The following MCHR2 variants were observed in gnomAD, a reference collection of about 807,000 sequenced individuals.
The protein encoded by MCHR2 is melanin-concentrating hormone receptor 2.
MCHR2 carries 15 observed loss-of-function variants against 24.8 expected under a neutral mutation model. The observed-to-expected ratio is 0.60, with a 90% confidence interval of 0.40 to 0.93. The LOEUF (loss-of-function observed/expected upper bound fraction) is 0.93. Among genes scored for constraint, MCHR2 ranks in the 40% least tolerant of loss-of-function variants. The probability of loss-of-function intolerance (pLI) is 0.00; values close to 1 mark genes in which losing one functional copy is unlikely to be tolerated. For synonymous variants in MCHR2, 151 were observed against 147.6 expected (o/e 1.02, Z -0.17); for missense variants, 386 against 408.7 (o/e 0.94, Z 0.48).
rs1357274749 is a variant in MCHR2 at position 99,925,116 on chromosome 6, T to C, written c.708-3861A>G. ...TGAATATATATTTTAAATTGTTATA[T>C]CCTCTTGCTAAATTGACCCCTTTTT... is the stretch of plus-strand genomic sequence containing the variant. On this transcript the variant is annotated intron_variant, in intron 5 of 5. Coordinates refer to ENST00000281806, the MANE Select transcript of MCHR2 (RefSeq NM_001040179.2). 2.0e-5 allele frequency among the ~76,000 whole-genome samples: 3 copies of C among 152,126 alleles called. No homozygotes were observed. The East Asian group carries it at 5.8e-4, about 29-fold the overall frequency.
In MCHR2 at chr6:99,961,889, T is replaced by C. The variant is rs866173871; in HGVS notation, c.-27-5715A>G. Among the ~76,000 whole-genome samples the C allele has an allele frequency of 2.0e-5, 3 of 152,098 alleles. No individual in the cohort carries two copies. The South Asian group carries it at 6.2e-4, about 32-fold the overall frequency. On this transcript the variant is annotated intron_variant, in intron 1 of 5. Transcript: ENST00000281806. ...AAAAGAATATGAAAATCATGTCAAG[T>C]ATCTTTTCCAACCACAATGGAATGA...
At position 99,920,777 on chromosome 6, in the gene MCHR2, A is replaced by G; in HGVS notation, c.*163T>C. ...TTTTACATCTTGCTAAAGTTAGCATATTAAGCTCATTGTATTTGCATGGTT... is the reference window on the plus strand; with the variant it reads ...TTTTACATCTTGCTAAAGTTAGCATGTTAAGCTCATTGTATTTGCATGGTT... On this transcript the variant is annotated 3_prime_UTR_variant, in exon 6 of 6. Transcript: ENST00000281806. 1.5e-6 allele frequency: 1 copy of G among 684,352 alleles called. No individual in the cohort carries two copies. The highest frequency in any genetic ancestry group is 2.5e-6 in the Non-Finnish European group (1 of 404,738). The allele number at this position is 684,352 out of a possible 1,614,324, so 42.4% of individuals were successfully genotyped here. A position where few individuals can be genotyped will look rare whatever the true frequency, so the allele number is the denominator to read the frequency against.
At chr6:99,943,875 G>C (rs1193443165) in intron 3 of MCHR2, among the ~76,000 whole-genome samples, 1 of 152,130 alleles carries the variant, frequency 6.6e-6, no homozygotes, top group Non-Finnish European at 1.5e-5. Context: ...TTTCCTGCAG[G>C]AGGAAATAAC....
chr6:99,934,647 G>C, intron 4 of MCHR2, 130 bp from the exon 5 acceptor site: 1 of 786,306 alleles, frequency 1.3e-6, no homozygotes, highest in South Asian at 2.8e-5. Context: ...GAAAGTCCTT[G>C]TGGAAAAGCT....
Position 99,935,087 on chromosome 6 carries a change from C to T in MCHR2, c.588-570G>A, listed in dbSNP as rs146752915. 2.7e-3 allele frequency among the ~76,000 whole-genome samples: 408 copies of T among 152,028 alleles called. 2 individuals are homozygous for T. Among genetic ancestry groups the T allele is most frequent in the African/African-American group, 9.5e-3 (394 of 41,508 alleles). On this transcript the variant is annotated intron_variant, in intron 4 of 5. Coordinates refer to ENST00000281806, the MANE Select transcript of MCHR2 (RefSeq NM_001040179.2). ...TTCTTCTAAACAATTTTCGCTGATGCATAATAGATGTATATCATTTCAGAG... is the reference window on the plus strand; with the variant it reads ...TTCTTCTAAACAATTTTCGCTGATGTATAATAGATGTATATCATTTCAGAG...
At chr6:99,941,942 C>A (rs1405687381) in intron 4 of MCHR2, among the ~76,000 whole-genome samples, 1 of 151,852 alleles carries the variant, frequency 6.6e-6, no homozygotes, top group Non-Finnish European at 1.5e-5. Flanking sequence ...ATCTATTTGA[C>A]AAGTGATGGA....
chr6:99,945,803 A>G (rs1270135069), intron 3 of MCHR2, among the ~76,000 whole-genome samples: 1 of 152,164 alleles, frequency 6.6e-6, no homozygotes, highest in Non-Finnish European at 1.5e-5. Context: ...AGAATGTCTT[A>G]AATGTGAAAT....
chr6:99,937,657 C>G (rs1185164243), intron 4 of MCHR2, among the ~76,000 whole-genome samples: 3 of 150,442 alleles, frequency 2.0e-5, no homozygotes, highest in Non-Finnish European at 3.0e-5. Flanking sequence ...TAATATTGGT[C>G]TGTAGTTTTG....
chr6:99,965,541 A>C (rs137900353), intron 1 of MCHR2, among the ~76,000 whole-genome samples: 1 of 152,270 alleles, frequency 6.6e-6, no homozygotes, highest in East Asian at 1.9e-4. Flanking sequence ...TGATTAATTT[A>C]TTTTAATTTT....
rs1562122934 is a variant in MCHR2, at chr6:99,943,765, A to G, written c.393-622T>C. On this transcript the variant is annotated intron_variant, in intron 3 of 5. Transcript: ENST00000281806. ...ACTGAAATAGTTGTTCCTTCTATGA[A>G]TACATTGATAATGGTAAAATTCTAC... 3.3e-5 allele frequency among the ~76,000 whole-genome samples: 5 copies of G among 152,208 alleles called. No individual in the cohort carries two copies. In the South Asian group the frequency reaches 1.0e-3, roughly 31 times the overall value.
At chr6:99,968,667 C>T (rs1267007525) in intron 1 of MCHR2, among the ~76,000 whole-genome samples, 1 of 152,014 alleles carries the variant, frequency 6.6e-6, no homozygotes, top group Non-Finnish European at 1.5e-5. Context: ...CTCTACCCAA[C>T]AACAGCAGAC....
At position 99,978,917 on chromosome 6, in the gene MCHR2, A is replaced by G. The variant is rs568572415; in HGVS notation, c.-28+15019T>C. On this transcript the variant is annotated intron_variant, in intron 1 of 5. Transcript: ENST00000281806. Reference sequence around the variant, plus strand: ...CGTTGGTTGGAGTACAGGCAGGGAAAGAACTGGGGAAAGGAAAAGGTGCCA... The same window carrying G: ...CGTTGGTTGGAGTACAGGCAGGGAAGGAACTGGGGAAAGGAAAAGGTGCCA... Among the ~76,000 whole-genome samples, 9 of 152,280 alleles carry G rather than the reference A, an allele frequency of 5.9e-5. 1 individual carries two copies. The South Asian group carries it at 1.9e-3, about 32-fold the overall frequency.
chr6:99,992,843 C>T (rs1382551501), intron 1 of MCHR2, among the ~76,000 whole-genome samples: 11 of 152,166 alleles, frequency 7.2e-5, no homozygotes, highest in Non-Finnish European at 2.9e-5. Flanking sequence ...AAACATATGC[C>T]TGATCCAAAT....
chr6:99,939,164 A>G (rs1774725354), intron 4 of MCHR2, among the ~76,000 whole-genome samples: 1 of 151,988 alleles, frequency 6.6e-6, no homozygotes, highest in African/African-American at 2.4e-5. Flanking sequence ...TGGAAAATTG[A>G]GACCCTTTAC....
At chr6:99,926,736 GC>G (rs1379992622) in intron 5 of MCHR2, among the ~76,000 whole-genome samples, 1 of 152,118 alleles carries the variant, frequency 6.6e-6, no homozygotes, top group African/African-American at 2.4e-5. Context: ...CTGGATATCA[GC>G]CCTTTGTCAG....
At chr6:99,929,048 C>T (rs993153469) in intron 5 of MCHR2, among the ~76,000 whole-genome samples, 4 of 152,162 alleles carry the variant, frequency 2.6e-5, no homozygotes, top group East Asian at 1.9e-4. Flanking sequence ...TCTTTGTTCT[C>T]GTTGGTTTCA....
At chr6:99,965,502 A>T (rs552995085) in intron 1 of MCHR2, among the ~76,000 whole-genome samples, 1 of 152,332 alleles carries the variant, frequency 6.6e-6, no homozygotes, top group South Asian at 2.1e-4. Context: ...TTTAAAAATC[A>T]CTGATGTGGC....
intron 1 of MCHR2, among the ~76,000 whole-genome samples, chr6:99,989,422 A>T (rs1775826239): frequency 6.6e-6 from 1 of 152,196 alleles, no homozygotes; most frequent in African/African-American, 2.4e-5. Context: ...GTCAGATCAA[A>T]GGTAAAATTA....
chr6:99,953,373 A>G (rs1000495036), intron 2 of MCHR2, among the ~76,000 whole-genome samples: 1 of 152,156 alleles, frequency 6.6e-6, no homozygotes, highest in Non-Finnish European at 1.5e-5. Flanking sequence ...GTATCTGTAG[A>G]AGAGCAGGGC....
Sources: allele counts gnomAD v4.1 joint callset (sites outside exome capture counted in the v4.1 genomes callset), GRCh38; gene constraint gnomAD v4.1.1; transcripts MANE v1.5; gene names NCBI Gene and HGNC (gene_info 2026-07-23, HGNC 2026-07-21).